The following TNNT1 variants were observed in gnomAD, a reference collection of about 807,000 sequenced individuals.
TNNT1 encodes the protein troponin T, slow skeletal muscle.
A neutral mutation model predicts 50.6 loss-of-function variants in TNNT1; 53 were observed. The ratio of observed to expected loss-of-function variants is 1.05; its 90% CI spans 0.84 to 1.32. The LOEUF (loss-of-function observed/expected upper bound fraction) is 1.32. Among genes scored for constraint, TNNT1 ranks in the 40% most tolerant of loss-of-function variants. TNNT1 has a pLI of 0.00. For synonymous variants in TNNT1, 142 were observed against 138.0 expected, an observed-to-expected ratio of 1.03 and a Z score of -0.20; for missense variants, 348 against 381.7, an observed-to-expected ratio of 0.91 and a Z score of 0.74.
rs750222246 is a variant in TNNT1 at position 55,141,866 on chromosome 19, A to C, written c.183T>G (p.Val61=). The C allele has an allele frequency of 1.4e-5, 23 of 1,614,056 alleles. No individual in the cohort carries two copies. Among genetic ancestry groups the C allele is most frequent in the Non-Finnish European group, 1.7e-5 (20 of 1,179,972 alleles). The change falls in exon 7 of 14, where the codon GTT becomes GTG. Residue 61 remains valine (V), a synonymous_variant. Transcript: ENST00000588981. ...GTCTCTTGTCACTTACATCGAAGTC[A>C]ACGCGCTCCCCTTCTGGGATCTTTG... ...IPPKIPEGER[V]DFDDIHRKRM...
At chr19:55,143,430 T>C (rs1437631429) in intron 6 of TNNT1, among the ~76,000 whole-genome samples, 2 of 152,084 alleles carry the variant, frequency 1.3e-5, no homozygotes, top group Non-Finnish European at 2.9e-5. Context: ...TCTGGGTTTC[T>C]GAGACAGTGA....
In TNNT1 at chr19:55,149,194, G is replaced by A; in HGVS notation, c.-45C>T. 1 of 456,262 alleles carries A rather than the reference G, an allele frequency of 2.2e-6. No individual in the cohort carries two copies. Among genetic ancestry groups the A allele is most frequent in the Non-Finnish European group, 4.4e-6 (1 of 226,940 alleles). 28.3% of individuals were successfully genotyped at this position (456,262 alleles called of 1,614,324 possible). On this transcript the variant is annotated 5_prime_UTR_variant, in exon 1 of 14. Coordinates refer to ENST00000588981, the MANE Select transcript of TNNT1 (RefSeq NM_003283.6). ...TGTCTGAGATGCTGTGAATCTTGAG[G>A]CTGAGCCTTGCTGAGGGCACTGAAG... is the stretch of plus-strand genomic sequence containing the variant.
At chr19:55,146,655 CAG>C in intron 4 of TNNT1, 24 bp downstream of exon 4, 1 of 1,464,518 alleles carries the variant, frequency 6.8e-7, no homozygotes, top group Non-Finnish European at 9.1e-7. Flanking sequence ...CCCCCAGCTC[CAG>C]ACCTGCGGAG....
At chr19:55,145,712 G>T (rs559130244) in intron 5 of TNNT1, 147 bp from the exon 6 acceptor site, 3 of 767,468 alleles carry the variant, frequency 3.9e-6, no homozygotes, top group Admixed American at 2.2e-5. Context: ...GGAGGAGGGG[G>T]GATGGGGAGA....
At chr19:55,142,833 C>G (rs2085483664) in intron 6 of TNNT1, among the ~76,000 whole-genome samples, 1 of 151,770 alleles carries the variant, frequency 6.6e-6, no homozygotes, top group Non-Finnish European at 1.5e-5. Context: ...CAGGCAGGAG[C>G]CCCTGCGCCC....
At chr19:55,135,775 C>T (rs561533625) in intron 11 of TNNT1, among the ~76,000 whole-genome samples, 2 of 152,262 alleles carry the variant, frequency 1.3e-5, no homozygotes, top group Admixed American at 1.3e-4. Flanking sequence ...CCCGCCTCAG[C>T]CTCCCAAAGT....
intron 4 of TNNT1, 100 bp from the exon 5 acceptor site, chr19:55,146,566 G>C: frequency 1.7e-6 from 2 of 1,177,402 alleles, no homozygotes; most frequent in Non-Finnish European, 1.1e-6. Flanking sequence ...GTGAGAGGCT[G>C]TTAGAGGACC....
intron 6 of TNNT1, among the ~76,000 whole-genome samples, chr19:55,143,114 A>T (rs1341051569): frequency 6.6e-6 from 1 of 151,126 alleles, no homozygotes; most frequent in Non-Finnish European, 1.5e-5. Flanking sequence ...GATTGCAGTG[A>T]GCCGAGATCG....
chr19:55,137,070 G>GC, intron 11 of TNNT1, 33 bp downstream of exon 11: 1 of 1,329,052 alleles, frequency 7.5e-7, no homozygotes, highest in Non-Finnish European at 1.1e-6. Flanking sequence ...TCACACCCAG[G>GC]CCCCTACACC....
In TNNT1 at chr19:55,132,942, C is replaced by T. The variant is rs1309479141; in HGVS notation, c.810G>A (p.Lys270=). Residue 270 remains lysine (K), a synonymous_variant, in exon 14 of 14, where the codon AAG becomes AAA. Transcript: ENST00000588981. ...ACTTCCAGCGGCCTCCAACGCGGCC[C>T]TTCCCTGCCCCCTTCCGGCTGTAGA... is the stretch of plus-strand genomic sequence containing the variant. ...HAQKFRKGAG[K]GRVGGRWK 1.2e-6 allele frequency: 2 copies of T among 1,603,608 alleles called. No individual in the cohort carries two copies. The highest frequency in any genetic ancestry group is 1.7e-6 in the Non-Finnish European group (2 of 1,176,268).
At chr19:55,138,527 C>G (rs369194580) in intron 9 of TNNT1, among the ~76,000 whole-genome samples, 1 of 152,356 alleles carries the variant, frequency 6.6e-6, no homozygotes, top group African/African-American at 2.4e-5. Context: ...ATCCGCCTGC[C>G]TCGGCCTCCC....
At chr19:55,146,642 C>T (rs766974052) in intron 4 of TNNT1, 39 bp downstream of exon 4, 4 of 1,369,460 alleles carry the variant, frequency 2.9e-6, no homozygotes, top group East Asian at 2.6e-5. Flanking sequence ...CCCGCCCCCC[C>T]ACCCCCCAGC....
At chr19:55,133,707 A>G in intron 13 of TNNT1, 180 bp downstream of exon 13, 2 of 699,164 alleles carry the variant, frequency 2.9e-6, no homozygotes, top group Non-Finnish European at 2.4e-6. Flanking sequence ...AAAGAAAAAG[A>G]AAAAGGAACT....
At chr19:55,148,964 C>T (rs954425174) in intron 1 of TNNT1, among the ~76,000 whole-genome samples, 197 bp downstream of exon 1, 5 of 152,016 alleles carry the variant, frequency 3.3e-5, no homozygotes, top group Admixed American at 3.3e-4. Flanking sequence ...ATTTGTGTAA[C>T]CCACAAATCC....
In TNNT1 at chr19:55,141,505, C is replaced by CT. The variant is rs751662002; in HGVS notation, c.193-204dup. 4.4e-3 allele frequency among the ~76,000 whole-genome samples: 628 copies of CT among 143,834 alleles called. 3 individuals carry two copies. The highest frequency in any genetic ancestry group is 0.012 in the African/African-American group (477 of 39,512). The allele number at this position is 143,834 out of a possible 152,430, so 94.4% of individuals were successfully genotyped here. ...GGGAGTGGGGAGTGGGGACCGGCGC[C>CT]TTTTTTTTTTTTTTTCCTCCCAGGC... On this transcript the variant is annotated intron_variant, in intron 7 of 13. Transcript: ENST00000588981.
intron 9 of TNNT1, among the ~76,000 whole-genome samples, chr19:55,140,449 G>A (rs2085429460): frequency 6.6e-6 from 1 of 152,012 alleles, no homozygotes; most frequent in Non-Finnish European, 1.5e-5. Context: ...CAGCCTGGGT[G>A]ACAGAGCAAG....
intron 9 of TNNT1, among the ~76,000 whole-genome samples, chr19:55,140,463 C>T (rs2147252729): frequency 6.6e-6 from 1 of 151,972 alleles, no homozygotes. Flanking sequence ...GAGCAAGACC[C>T]TATTTCCAAA....
At chr19:55,140,758 C>T (rs2085434173) in intron 9 of TNNT1, 125 bp downstream of exon 9, 5 of 637,220 alleles carry the variant, frequency 7.8e-6, no homozygotes, top group Non-Finnish European at 1.1e-5. Context: ...GCCTGGGCGA[C>T]AGAGCTAGAC....
Position 55,145,565 on chromosome 19 carries a change from T to G in TNNT1, c.107A>C (p.Glu36Ala), listed in dbSNP as rs144113560. 3 of 1,613,386 alleles carry G rather than the reference T, an allele frequency of 1.9e-6. No homozygotes were observed. The highest frequency in any genetic ancestry group is 2.5e-6 in the Non-Finnish European group (3 of 1,179,706). The change falls in exon 6 of 14, where the codon GAA (glutamate) becomes GCA (alanine). Residue 36 changes from glutamate to alanine, a missense_variant and splice_region_variant. Transcript: ENST00000588981. ...PEEPEPVAEP[E>A]EERPKPSRPV... ...TCACCTTGGTTTGGGGCGTTCCTCTTCTGTTGGTGGTGGGGGATAAAAAGA... is the reference window on the plus strand; with the variant it reads ...TCACCTTGGTTTGGGGCGTTCCTCTGCTGTTGGTGGTGGGGGATAAAAAGA...
Sources: gnomAD v4.1 joint callset for allele counts (sites outside exome capture counted in the v4.1 genomes callset) on GRCh38, gnomAD v4.1.1 for gene constraint, MANE v1.5 for transcripts, NCBI Gene and HGNC (gene_info 2026-07-23, HGNC 2026-07-21) for gene names.